Variants in MCF2L2 observed in about 807,000 individuals in gnomAD.
MCF2L2 encodes the protein probable guanine nucleotide exchange factor MCF2L2.
MCF2L2 carries 102 observed loss-of-function variants against 150.2 expected under a neutral mutation model. That is an observed-to-expected ratio of 0.68 (90% confidence interval 0.58 to 0.80). MCF2L2 has a LOEUF of 0.80. Among genes scored for constraint, MCF2L2 ranks in the 30% least tolerant of loss-of-function variants. MCF2L2 has a pLI of 0.00. For missense variants in MCF2L2, 1,256 were observed against 1,372.8 expected (o/e 0.91, Z 1.34); for synonymous variants, 465 against 491.3 (o/e 0.95, Z 0.71).
At chr3:183,180,730 T>G (rs940608263) in intron 27 of MCF2L2, among the ~76,000 whole-genome samples, 1 of 152,244 alleles carries the variant, frequency 6.6e-6, no homozygotes, top group Non-Finnish European at 1.5e-5. Flanking sequence ...CAGCAGCCAC[T>G]GCCAAATACT....
At chr3:183,206,309 G>T in intron 23 of MCF2L2, 95 bp from the exon 24 acceptor site, 2 of 923,122 alleles carry the variant, frequency 2.2e-6, no homozygotes, top group Non-Finnish European at 3.5e-6. Context: ...ATCCTTGACA[G>T]CTCTCTTCTT....
chr3:183,227,210 A>G lies in MCF2L2; in HGVS notation c.2115+1087T>C, dbSNP rs890898910. On this transcript the variant is annotated intron_variant, in intron 18 of 29. Transcript: ENST00000328913. This position sits in a 1 kb window ranked among gnomAD's most constrained non-coding sequence, Gnocchi z 4.0. ...TATTTAGAAGGCACAGGGGGTCAGG[A>G]TCATCTCCATGGTCGTGTCCTAGAA... 6.6e-6 allele frequency: 1 copy of G among 152,342 alleles called. No homozygotes were observed. Among genetic ancestry groups the G allele is most frequent in the African/African-American group, 2.4e-5 (1 of 41,574 alleles). 9.4% of individuals were successfully genotyped at this position (152,342 alleles called of 1,614,324 possible).
chr3:183,216,428 TTA>T (rs960996307), intron 21 of MCF2L2, among the ~76,000 whole-genome samples: 18 of 142,014 alleles, frequency 1.3e-4, no homozygotes, highest in Admixed American at 7.2e-5. Flanking sequence ...TGTATATATA[TTA>T]TATAAATATT....
chr3:183,270,740 C>T lies in MCF2L2; in HGVS notation c.1862+6132G>A. The T allele has an allele frequency of 6.2e-7, 1 of 1,613,344 alleles. No individual in the cohort carries two copies. The highest frequency in any genetic ancestry group is 8.5e-7 in the Non-Finnish European group (1 of 1,179,736). On this transcript the variant is annotated intron_variant, in intron 15 of 29. Transcript: ENST00000328913. This position sits in a 1 kb window ranked among gnomAD's most constrained non-coding sequence, Gnocchi z 4.5. Reference sequence around the variant, plus strand: ...AGGGTAAAACTCCTTATCATCCCTGCATCTATGAAAAAATGATGACATCTC... The same window carrying T: ...AGGGTAAAACTCCTTATCATCCCTGTATCTATGAAAAAATGATGACATCTC...
At chr3:183,341,856 T>C (rs956201966) in intron 3 of MCF2L2, among the ~76,000 whole-genome samples, 2 of 152,198 alleles carry the variant, frequency 1.3e-5, no homozygotes, top group African/African-American at 4.8e-5. Context: ...GGCTGGCAAA[T>C]GCATGAAACA....
At chr3:183,254,191 G>A (rs995206647) in intron 15 of MCF2L2, 1 of 151,948 alleles carries the variant, frequency 6.6e-6, no homozygotes, top group Non-Finnish European at 1.5e-5. Flanking sequence ...GAGGAGGTGA[G>A]GGCACGCCGG....
intron 9 of MCF2L2, 45 bp downstream of exon 9, chr3:183,310,870 T>C (rs777995330): frequency 7.4e-5 from 98 of 1,332,920 alleles, no homozygotes; most frequent in Non-Finnish European, 1.0e-4. Flanking sequence ...AAACCAGAGG[T>C]CCCGGTACCA....
chr3:183,256,399 CTTTATA>C (rs1368012587), intron 15 of MCF2L2, among the ~76,000 whole-genome samples: 1 of 152,160 alleles, frequency 6.6e-6, no homozygotes, highest in African/African-American at 2.4e-5. Flanking sequence ...ATGTAAGAAT[CTTTATA>C]TTTAAAGGAT....
intron 27 of MCF2L2, among the ~76,000 whole-genome samples, chr3:183,191,023 T>C (rs1472752759): frequency 2.0e-5 from 3 of 152,070 alleles, no homozygotes; most frequent in Non-Finnish European, 4.4e-5. Context: ...GTAGCTGGGA[T>C]TACAGGCGTG....
chr3:183,195,339 T>G, intron 25 of MCF2L2, 84 bp from the exon 26 acceptor site: 1 of 869,814 alleles, frequency 1.1e-6, no homozygotes, highest in Non-Finnish European at 1.9e-6. Context: ...TAAATACACA[T>G]ATATGCATAA....
intron 14 of MCF2L2, among the ~76,000 whole-genome samples, chr3:183,288,759 C>T (rs759575043): frequency 2.0e-5 from 3 of 152,118 alleles, no homozygotes; most frequent in African/African-American, 4.8e-5. Flanking sequence ...GGATTACAGG[C>T]GTGAACCACC....
chr3:183,182,758 T>C (rs1721572714), intron 27 of MCF2L2: 1 of 152,190 alleles, frequency 6.6e-6, no homozygotes. Flanking sequence ...AAACTCAGAA[T>C]TCTCAGAACC....
chr3:183,326,500 A>C (rs1730037595), intron 5 of MCF2L2, among the ~76,000 whole-genome samples: 3 of 139,484 alleles, frequency 2.2e-5, no homozygotes. Flanking sequence ...CTCAAAAAAA[A>C]AAAAAAAAAA....
chr3:183,198,253 C>T (rs1722141079), intron 25 of MCF2L2, among the ~76,000 whole-genome samples: 1 of 151,986 alleles, frequency 6.6e-6, no homozygotes, highest in African/African-American at 2.4e-5. Flanking sequence ...TCAGCAACAA[C>T]CAAAATATGT....
intron 20 of MCF2L2, 77 bp from the exon 21 acceptor site, chr3:183,220,001 T>C (rs752831928): frequency 6.1e-5 from 62 of 1,019,816 alleles, no homozygotes; most frequent in Middle Eastern, 4.1e-4. Context: ...CAAAATCTAC[T>C]GTGCAAACTA....
intron 3 of MCF2L2, among the ~76,000 whole-genome samples, chr3:183,364,592 AG>A (rs1156318000): frequency 6.6e-6 from 1 of 152,186 alleles, no homozygotes; most frequent in Non-Finnish European, 1.5e-5. Context: ...AGATCTAATT[AG>A]TAAATCAAAT....
intron 3 of MCF2L2, among the ~76,000 whole-genome samples, chr3:183,361,967 T>C (rs1479201139): frequency 6.6e-6 from 1 of 152,208 alleles, no homozygotes; most frequent in East Asian, 1.9e-4. Context: ...AAATAGTGTA[T>C]AAAATTACCT....
intron 1 of MCF2L2, among the ~76,000 whole-genome samples, chr3:183,397,899 A>C (rs548410807): frequency 6.6e-5 from 10 of 152,336 alleles, no homozygotes; most frequent in African/African-American, 2.4e-4. Flanking sequence ...ATGATGATAA[A>C]GCCATAGAAT....
chr3:183,360,654 C>T (rs1324658895), intron 3 of MCF2L2, among the ~76,000 whole-genome samples: 1 of 151,986 alleles, frequency 6.6e-6, no homozygotes, highest in African/African-American at 2.4e-5. Context: ...TCTGATGTTT[C>T]TTCTCACCTA....
Sources: gnomAD v4.1 joint callset for allele counts (sites outside exome capture counted in the v4.1 genomes callset) on GRCh38, gnomAD v4.1.1 for gene constraint, Gnocchi (gnomAD v3.1) non-coding constraint, MANE v1.5 for transcripts, NCBI Gene and HGNC (gene_info 2026-07-23, HGNC 2026-07-21) for gene names.